Variants in PSG6 observed in about 807,000 individuals in gnomAD.
PSG6 encodes the protein pregnancy-specific beta-1-glycoprotein 6.
In PSG6, 51 loss-of-function variants were observed where a neutral mutation model predicts 43.3. That is an observed-to-expected ratio of 1.18 (90% CI 0.94 to 1.49). The LOEUF (loss-of-function observed/expected upper bound fraction) is 1.49. Ranked by LOEUF, PSG6 falls within the 40% of genes most tolerant of loss-of-function variation. The probability of loss-of-function intolerance (pLI) is 0.00; values close to 1 mark genes in which losing one functional copy is unlikely to be tolerated. For missense variants in PSG6, 770 were observed against 522.2 expected, an observed-to-expected ratio of 1.47 and a Z score of -4.62; for synonymous variants, 292 against 197.6, an observed-to-expected ratio of 1.48 and a Z score of -4.01.
intron 5 of PSG6, among the ~76,000 whole-genome samples, chr19:42,906,206 G>A (rs1972108968): frequency 6.6e-6 from 1 of 151,566 alleles, no homozygotes; most frequent in African/African-American, 2.4e-5. Context: ...CACGTGCTGT[G>A]CCCAAAGCCT....
In PSG6 at chr19:42,910,531, T is replaced by G. The variant is rs770098463; in HGVS notation, c.706+49A>C. The stretch of plus-strand genomic sequence containing the variant: ...ACTGAGAGGCCTGGCCTCTGGCCAC[T>G]TGTATTTGGGATGGCAGCCTGGCTC... On this transcript the variant is annotated intron_variant, in intron 3 of 5. Transcript: ENST00000187910. The G allele has an allele frequency of 5.6e-5, 90 of 1,612,312 alleles. 7 individuals carry two copies. In the East Asian group the frequency reaches 6.5e-4, roughly 12 times the overall value.
intron 2 of PSG6, chr19:42,915,483 A>C (rs1176655608): frequency 6.5e-6 from 1 of 154,056 alleles, no homozygotes; most frequent in African/African-American, 2.4e-5. Context: ...CTCCTAAGGC[A>C]GTTGGCTGAT....
intron 1 of PSG6, 109 bp from the exon 2 acceptor site, chr19:42,916,596 G>GCA (rs995904328): frequency 2.6e-5 from 36 of 1,409,298 alleles, no homozygotes; most frequent in South Asian, 2.1e-4. Flanking sequence ...TTGAAGATAT[G>GCA]CACACACACA....
chr19:42,912,614 A>C (rs1430138133), intron 2 of PSG6, among the ~76,000 whole-genome samples: 1 of 151,862 alleles, frequency 6.6e-6, no homozygotes, highest in Non-Finnish European at 1.5e-5. Context: ...AAATATAGAA[A>C]GAACCTGCTT....
intron 2 of PSG6, among the ~76,000 whole-genome samples, chr19:42,913,694 C>A (rs771354498): frequency 3.3e-5 from 5 of 151,636 alleles, no homozygotes; most frequent in Admixed American, 2.6e-4. Context: ...TATTGTAGAA[C>A]GTGAGATTGG....
intron 2 of PSG6, among the ~76,000 whole-genome samples, chr19:42,912,565 G>T (rs781396371): frequency 1.3e-5 from 2 of 151,714 alleles, no homozygotes; most frequent in African/African-American, 2.4e-5. Flanking sequence ...AAAGGAGGAA[G>T]GATGCCAAAT....
Position 42,916,210 on chromosome 19 carries a change from C to G in PSG6, c.342G>C (p.Glu114Asp), listed in dbSNP as rs778261721. 2.1e-5 allele frequency: 34 copies of G among 1,612,136 alleles called. 2 individuals are homozygous for G. The East Asian group carries it at 4.5e-4, about 21-fold the overall frequency. ...ASLLIQNVTQ[E>D]DAGSYTLHII... ...TGTGTAAGGTGTAGGATCCTGCATC[C>G]TCCTGTGTGACATTCTGGATCAGCA... Residue 114 changes from glutamate (E) to aspartate (D), a missense_variant, in exon 2 of 6, where the codon GAG becomes GAC. Transcript: ENST00000187910.
chr19:42,914,334 T>C (rs138464452), intron 2 of PSG6, among the ~76,000 whole-genome samples: 4,514 of 150,722 alleles, frequency 0.03, 280 homozygotes, highest in African/African-American at 0.1. Context: ...CCAGCCTAGT[T>C]AGAGGGAGTG....
chr19:42,917,363 C>CTTTTTTTTTTTTTTTT (rs35188962), intron 1 of PSG6, among the ~76,000 whole-genome samples: 1 of 123,342 alleles, frequency 8.1e-6, no homozygotes, highest in Non-Finnish European at 1.7e-5. Flanking sequence ...TCTTTTTATT[C>CTTTTTTTTTTTTTTTT]TTTTTTTTTT....
rs145616384 is a variant in PSG6 at position 42,903,935 on chromosome 19, G to T, written c.1241-1489C>A. Among the ~76,000 whole-genome samples the T allele has an allele frequency of 3.6e-3, 537 of 151,184 alleles. 6 individuals carry two copies. Among genetic ancestry groups the T allele is most frequent in the African/African-American group, 0.012 (502 of 41,130 alleles). On this transcript the variant is annotated intron_variant, in intron 5 of 5. Transcript: ENST00000187910. ...GAAAAAGAAAAAAGAAAAATGAAGCGATTACTACCAATTCTAATAAAATAA... is the reference window on the plus strand; with the variant it reads ...GAAAAAGAAAAAAGAAAAATGAAGCTATTACTACCAATTCTAATAAAATAA...
intron 2 of PSG6, among the ~76,000 whole-genome samples, chr19:42,915,016 C>T (rs568022805): frequency 2.6e-5 from 4 of 151,714 alleles, no homozygotes; most frequent in African/African-American, 9.7e-5. Flanking sequence ...GCTCTCACTC[C>T]TCTGAGGTTT....
At position 42,911,009 on chromosome 19, in the gene PSG6, G is replaced by A. The variant is rs1972214389; in HGVS notation, c.428-151C>T. The A allele has an allele frequency of 4.9e-6, 7 of 1,437,294 alleles. No homozygotes were observed. The East Asian group carries it at 1.2e-4, about 24-fold the overall frequency. The allele number at this position is 1,437,294 out of a possible 1,614,324, so 89.0% of individuals were successfully genotyped here. On this transcript the variant is annotated intron_variant, in intron 2 of 5. Transcript: ENST00000187910. The stretch of plus-strand genomic sequence containing the variant: ...TGTGTGTGTTACAAGACAGATGCAT[G>A]GCAACCTGAGGGCTCAGTGATTGTG...
At position 42,917,816 on chromosome 19, in the gene PSG6, C is replaced by G; in HGVS notation, c.-24G>C. Reference sequence around the variant, plus strand: ...ATGGTCTCTGCTGTCTGTGTGTTCTCCCCTGTGGAGATGAGCCTAGGATCC... The same window carrying G: ...ATGGTCTCTGCTGTCTGTGTGTTCTGCCCTGTGGAGATGAGCCTAGGATCC... On this transcript the variant is annotated 5_prime_UTR_variant, in exon 1 of 6. Coordinates refer to ENST00000187910, the MANE Select transcript of PSG6 (RefSeq NM_001031850.4). The G allele has an allele frequency of 1.9e-6, 3 of 1,604,638 alleles. No individual in the cohort carries two copies. The highest frequency in any genetic ancestry group is 2.6e-6 in the Non-Finnish European group (3 of 1,174,860).
chr19:42,902,390 A>T lies in PSG6; in HGVS notation c.*22T>A, dbSNP rs777767811. On this transcript the variant is annotated 3_prime_UTR_variant, in exon 6 of 6. Transcript: ENST00000187910. ...AAGGTATCAACCTGTTCTTTTTCTC[A>T]GTGTCTCTATTGTGGCAGCCATTAA... 2.9e-5 allele frequency: 47 copies of T among 1,608,828 alleles called. No individual in the cohort carries two copies. In the Admixed American group the frequency reaches 7.9e-4, roughly 27 times the overall value.
chr19:42,916,281 C>T lies in PSG6; in HGVS notation c.271G>A (p.Gly91Arg), dbSNP rs773074010. 1.9e-5 allele frequency: 30 copies of T among 1,611,948 alleles called. 2 individuals carry two copies. The highest frequency in any genetic ancestry group is 1.8e-4 in the Admixed American group (11 of 59,868). Residue 91 changes from glycine to arginine, a missense_variant, in exon 2 of 6, where the codon GGG becomes AGG. By Grantham distance (125) the Gly-to-Arg change is moderately radical. Coordinates refer to ENST00000187910, the MANE Select transcript of PSG6 (RefSeq NM_001031850.4). ...SYVVHGQIIY[G>R]PAYSGRETVY... Reference sequence around the variant, plus strand: ...GTTTCTCGTCCACTGTAGGCAGGCCCATATATAATTTGACCGTGTACTACA... The same window carrying T: ...GTTTCTCGTCCACTGTAGGCAGGCCTATATATAATTTGACCGTGTACTACA...
intron 3 of PSG6, among the ~76,000 whole-genome samples, chr19:42,908,899 A>T (rs1972168170): frequency 6.6e-6 from 1 of 151,602 alleles, no homozygotes; most frequent in Non-Finnish European, 1.5e-5. Context: ...AGGAGCTGGG[A>T]GTGGGGAGAA....
intron 3 of PSG6, among the ~76,000 whole-genome samples, chr19:42,908,994 T>C (rs1445538055): frequency 6.6e-6 from 1 of 151,666 alleles, no homozygotes; most frequent in Non-Finnish European, 1.5e-5. Context: ...ATGCCTATAG[T>C]TCACACAGAT....
At chr19:42,916,642 TTGTGTGTGTGTA>T (rs1320719572) in intron 1 of PSG6, among the ~76,000 whole-genome samples, 155 bp from the exon 2 acceptor site, 1 of 150,684 alleles carries the variant, frequency 6.6e-6, no homozygotes, top group Non-Finnish European at 1.5e-5. Flanking sequence ...GCATGTGTGT[TTGTGTGTGTGTA>T]TGTGTGTGTG....
At chr19:42,916,022 G>A in intron 2 of PSG6, 103 bp downstream of exon 2, 1 of 1,564,464 alleles carries the variant, frequency 6.4e-7, no homozygotes, top group Non-Finnish European at 8.7e-7. Context: ...GGGACATAAT[G>A]CAGAGAGTGA....
Sources: gnomAD v4.1 joint callset for allele counts (sites outside exome capture counted in the v4.1 genomes callset) on GRCh38, gnomAD v4.1.1 for gene constraint, MANE v1.5 for transcripts, NCBI Gene and HGNC (gene_info 2026-07-23, HGNC 2026-07-21) for gene names.